The following PDE4B variants were observed in gnomAD, a reference collection of about 807,000 sequenced individuals.
PDE4B encodes phosphodiesterase 4B, also known as 3',5'-cyclic-AMP phosphodiesterase 4B.
PDE4B carries 20 observed loss-of-function variants against 82.2 expected under a neutral mutation model. The observed-to-expected ratio is 0.24, with a 90% confidence interval of 0.17 to 0.35. PDE4B has a LOEUF of 0.35. Among genes scored for constraint, PDE4B ranks in the 10% least tolerant of loss-of-function variants. PDE4B has a pLI of 1.00. For synonymous variants in PDE4B, 320 were observed against 318.9 expected (o/e 1.00, Z -0.04); for missense variants, 655 against 907.2 (o/e 0.72, Z 3.57).
intron 3 of PDE4B, among the ~76,000 whole-genome samples, chr1:66,100,869 A>G (rs1645207520): frequency 6.6e-6 from 1 of 152,166 alleles, no homozygotes; most frequent in South Asian, 2.1e-4. Flanking sequence ...TCTAGGGTAC[A>G]TGTGCACAAC....
chr1:65,993,587 CTT>C (rs1651368432), intron 3 of PDE4B, among the ~76,000 whole-genome samples: 1 of 152,090 alleles, frequency 6.6e-6, no homozygotes, highest in Non-Finnish European at 1.5e-5. Context: ...TAAAGTCTAA[CTT>C]AATGTATTGT....
intron 13 of PDE4B, among the ~76,000 whole-genome samples, chr1:66,366,863 T>G (rs1453336480): frequency 6.6e-6 from 1 of 152,184 alleles, no homozygotes; most frequent in African/African-American, 2.4e-5. Flanking sequence ...TCATTGGAGG[T>G]TGTAACTAAG....
At chr1:66,081,023 C>G (rs1195299910) in intron 3 of PDE4B, among the ~76,000 whole-genome samples, 1 of 152,056 alleles carries the variant, frequency 6.6e-6, no homozygotes, top group Non-Finnish European at 1.5e-5. Context: ...AAGAGATCTC[C>G]CATCTTCCAT....
intron 3 of PDE4B, among the ~76,000 whole-genome samples, chr1:66,056,467 A>G (rs888623013): frequency 6.9e-6 from 1 of 144,468 alleles, no homozygotes; most frequent in African/African-American, 2.6e-5. Flanking sequence ...GAAATTTTAT[A>G]TCTATCTATC....
chr1:66,181,504 A>G (rs1380293830), intron 3 of PDE4B, among the ~76,000 whole-genome samples: 1 of 152,148 alleles, frequency 6.6e-6, no homozygotes, highest in African/African-American at 2.4e-5. Context: ...TAACATAATG[A>G]GCTGATGATA....
intron 7 of PDE4B, among the ~76,000 whole-genome samples, chr1:66,305,517 GGTTT>G (rs770481801): frequency 1.3e-5 from 2 of 152,034 alleles, no homozygotes; most frequent in Non-Finnish European, 2.9e-5. Flanking sequence ...CTGGGTGTCT[GGTTT>G]GTTTGTTTGT....
chr1:66,355,461 G>A (rs2102004826), intron 8 of PDE4B, 66 bp from the exon 9 acceptor site: 1 of 1,034,872 alleles, frequency 9.7e-7, no homozygotes. Context: ...AGTAAAGTTG[G>A]AAACATTTAA....
chr1:66,068,594 A>G (rs35736157), intron 3 of PDE4B, among the ~76,000 whole-genome samples: 12,288 of 152,002 alleles, frequency 0.081, 920 homozygotes, highest in East Asian at 0.26. Flanking sequence ...AAAATAATAT[A>G]TGCTTTGCTA....
chr1:65,822,584 G>C (rs1645965378), intron 1 of PDE4B, among the ~76,000 whole-genome samples: 1 of 152,166 alleles, frequency 6.6e-6, no homozygotes, highest in Non-Finnish European at 1.5e-5. Flanking sequence ...AGTACTAAGA[G>C]GTGAGACTTT....
chr1:66,030,895 TG>T (rs1291849883), intron 3 of PDE4B, among the ~76,000 whole-genome samples: 4 of 152,174 alleles, frequency 2.6e-5, no homozygotes, highest in African/African-American at 9.7e-5. Context: ...CACTTATAAG[TG>T]GGGGCTAAGC....
intron 1 of PDE4B, among the ~76,000 whole-genome samples, chr1:65,890,067 A>G (rs1646836118): frequency 2.6e-5 from 4 of 152,086 alleles, no homozygotes; most frequent in Admixed American, 6.6e-5. Context: ...GAGATGAGAA[A>G]TTTAGAACTG....
intron 1 of PDE4B, among the ~76,000 whole-genome samples, chr1:65,885,675 C>T (rs1258750230): frequency 2.0e-5 from 3 of 151,678 alleles, no homozygotes; most frequent in African/African-American, 4.8e-5. Context: ...AACACTTGGA[C>T]ACAGGGCGGG....
chr1:66,196,844 G>A (rs1188028059), intron 3 of PDE4B, among the ~76,000 whole-genome samples: 1 of 151,324 alleles, frequency 6.6e-6, no homozygotes, highest in Admixed American at 6.6e-5. Flanking sequence ...AGCATTGGGA[G>A]ATATACCTAA....
intron 3 of PDE4B, among the ~76,000 whole-genome samples, chr1:66,231,021 G>A (rs559472721): frequency 1.3e-3 from 188 of 143,180 alleles, no homozygotes; most frequent in African/African-American, 4.9e-3. Flanking sequence ...GTGACAGAGC[G>A]AGAATCTGTC....
chr1:66,308,977 T>G (rs1658480701), intron 7 of PDE4B, among the ~76,000 whole-genome samples: 1 of 152,176 alleles, frequency 6.6e-6, no homozygotes, highest in African/African-American at 2.4e-5. Context: ...CAAAATTTAG[T>G]GCAATTTACA....
rs1332424381 is a variant in PDE4B, at chr1:66,124,915, A to ATG, written c.282-122544_282-122543dup. Reference sequence around the variant, plus strand: ...TAGCCTGAACGAGCTGTGTGTGTGTATGCGTGTGTGTGTGTGTGTGTGTGT... The same window carrying ATG: ...TAGCCTGAACGAGCTGTGTGTGTGTATGTGCGTGTGTGTGTGTGTGTGTGTGT... On this transcript the variant is annotated intron_variant, in intron 3 of 16. Transcript: ENST00000341517. Among the ~76,000 whole-genome samples the ATG allele has an allele frequency of 3.0e-4, 12 of 39,678 alleles. No homozygotes were observed. The East Asian group carries it at 3.4e-3, about 11-fold the overall frequency. The allele number at this position is 39,678 out of a possible 152,430, so 26.0% of individuals were successfully genotyped here. A position where few individuals can be genotyped will look rare whatever the true frequency, so the allele number is the denominator to read the frequency against.
chr1:65,881,542 G>A (rs1646708808), intron 1 of PDE4B, among the ~76,000 whole-genome samples: 1 of 152,122 alleles, frequency 6.6e-6, no homozygotes, highest in African/African-American at 2.4e-5. Flanking sequence ...TTCCCAGAAA[G>A]AGCAATTTAC....
At chr1:65,879,271 C>T (rs919127987) in intron 1 of PDE4B, among the ~76,000 whole-genome samples, 1 of 152,114 alleles carries the variant, frequency 6.6e-6, no homozygotes, top group African/African-American at 2.4e-5. Context: ...CCAGAACTAA[C>T]AGATAACTAC....
chr1:65,889,932 C>T (rs571330112), intron 1 of PDE4B, among the ~76,000 whole-genome samples: 2 of 152,216 alleles, frequency 1.3e-5, no homozygotes, highest in Admixed American at 6.6e-5. Flanking sequence ...CTTCACAGTC[C>T]TACCAAAGGT....
Sources: allele counts gnomAD v4.1 joint callset (sites outside exome capture counted in the v4.1 genomes callset), GRCh38; gene constraint gnomAD v4.1.1; transcripts MANE v1.5; gene names NCBI Gene and HGNC (gene_info 2026-07-23, HGNC 2026-07-21).